Variants in MYOM1 observed in about 807,000 individuals in gnomAD.
The protein encoded by MYOM1 is myomesin-1.
Under a neutral mutation model 205.3 loss-of-function variants are expected in MYOM1, and 164 were observed. The observed-to-expected ratio is 0.80, with a 90% confidence interval of 0.70 to 0.91. MYOM1 has a LOEUF of 0.91. Among genes scored for constraint, MYOM1 ranks in the 40% least tolerant of loss-of-function variants. The probability of loss-of-function intolerance (pLI) is 0.00; values close to 1 mark genes in which losing one functional copy is unlikely to be tolerated. For synonymous variants in MYOM1, 772 were observed against 789.4 expected (o/e 0.98, Z 0.37); for missense variants, 2,011 against 2,127.3 (o/e 0.95, Z 1.08).
chr18:3,169,050 C>T, intron 8 of MYOM1, 69 bp from the exon 9 acceptor site: 1 of 1,368,132 alleles, frequency 7.3e-7, no homozygotes, highest in Non-Finnish European at 9.9e-7. Context: ...TTTTAATAAG[C>T]ACAGGCAGAA....
intron 34 of MYOM1, among the ~76,000 whole-genome samples, chr18:3,077,129 C>T (rs778273047): frequency 6.6e-6 from 1 of 151,940 alleles, no homozygotes; most frequent in Non-Finnish European, 1.5e-5. Flanking sequence ...CCTCTTACCT[C>T]TGCTTCTCGA....
At chr18:3,154,567 G>A (rs1024107929) in intron 11 of MYOM1, among the ~76,000 whole-genome samples, 1 of 151,166 alleles carries the variant, frequency 6.6e-6, no homozygotes, top group African/African-American at 2.4e-5. Flanking sequence ...GGTACTAACT[G>A]CTGTAAAAGC....
chr18:3,158,228 T>C (rs2080329755), intron 10 of MYOM1, among the ~76,000 whole-genome samples: 1 of 152,228 alleles, frequency 6.6e-6, no homozygotes, highest in Non-Finnish European at 1.5e-5. Context: ...ACTATATAGT[T>C]TCATGTAAGC....
chr18:3,083,599 T>C (rs1430776427), intron 33 of MYOM1, among the ~76,000 whole-genome samples, 190 bp downstream of exon 33: 7 of 16,048 alleles, frequency 4.4e-4, no homozygotes, highest in Admixed American at 3.3e-3. Flanking sequence ...CAGCTCATTT[T>C]TTTTTTTTTT....
intron 13 of MYOM1, among the ~76,000 whole-genome samples, chr18:3,144,646 T>C (rs990280322): frequency 1.3e-5 from 2 of 152,192 alleles, no homozygotes; most frequent in Non-Finnish European, 1.5e-5. Flanking sequence ...GGAAATAATA[T>C]ACCATGCTAA....
At chr18:3,230,895 C>T in the MYOM1 span, among the ~76,000 whole-genome samples, 1 of 152,192 alleles carries the variant, frequency 6.6e-6, no homozygotes, top group South Asian at 2.1e-4. Context: ...AACTTGGACA[C>T]CTTCCAACAG....
intron 2 of MYOM1, among the ~76,000 whole-genome samples, chr18:3,197,194 T>C (rs992924117): frequency 6.7e-6 from 1 of 150,362 alleles, no homozygotes; most frequent in African/African-American, 2.4e-5. Context: ...TGGAGTGCAA[T>C]GGCGCGATCT....
At chr18:3,097,424 T>G (rs2079319913) in intron 25 of MYOM1, among the ~76,000 whole-genome samples, 1 of 152,116 alleles carries the variant, frequency 6.6e-6, no homozygotes, top group Non-Finnish European at 1.5e-5. Flanking sequence ...ATTTTGTGAT[T>G]TTTATACTCA....
chr18:3,114,169 C>T (rs1181240775), intron 21 of MYOM1, among the ~76,000 whole-genome samples: 2 of 152,180 alleles, frequency 1.3e-5, no homozygotes, highest in Non-Finnish European at 2.9e-5. Flanking sequence ...CGCCAGGTAC[C>T]TGACACATCT....
the MYOM1 span, among the ~76,000 whole-genome samples, chr18:3,243,442 C>T: frequency 6.6e-6 from 1 of 152,268 alleles, no homozygotes; most frequent in East Asian, 1.9e-4. Context: ...GCTATGCTTC[C>T]TTGCTGTTGT....
chr18:3,127,178 A>C (rs928684692), intron 18 of MYOM1, among the ~76,000 whole-genome samples: 1 of 150,962 alleles, frequency 6.6e-6, no homozygotes, highest in African/African-American at 2.4e-5. Flanking sequence ...ATTTTTCCCA[A>C]GGTATAATTT....
At position 3,191,537 on chromosome 18, in the gene MYOM1, T is replaced by C. The variant is rs913775804; in HGVS notation, c.431+2281A>G. On this transcript the variant is annotated intron_variant, in intron 3 of 37. Transcript: ENST00000356443. ...CAAATAATAATAGACACTCAACAAA[T>C]GTTCATTTCTTTTCCATCCTCTCCT... 3.9e-5 allele frequency among the ~76,000 whole-genome samples: 6 copies of C among 152,216 alleles called. No homozygotes were observed. The East Asian group carries it at 9.6e-4, about 24-fold the overall frequency.
the MYOM1 span, among the ~76,000 whole-genome samples, chr18:3,242,389 T>C: frequency 6.6e-6 from 1 of 152,342 alleles, no homozygotes; most frequent in East Asian, 1.9e-4. Context: ...CATAAGCTCT[T>C]CTCTGCCACC....
Position 3,175,988 on chromosome 18 carries a change from G to A in MYOM1, c.1022+54C>T, listed in dbSNP as rs929998445. The A allele has an allele frequency of 2.2e-5, 25 of 1,131,722 alleles. No homozygotes were observed. The Admixed American group carries it at 2.3e-4, about 10-fold the overall frequency. 70.1% of individuals were successfully genotyped at this position (1,131,722 alleles called of 1,614,324 possible). ...GAGAGTGGCTGTTAACTGCAGGGGTGAGAAGCCTCCCTGAGCAATGGTGAG... is the reference window on the plus strand; with the variant it reads ...GAGAGTGGCTGTTAACTGCAGGGGTAAGAAGCCTCCCTGAGCAATGGTGAG... On this transcript the variant is annotated intron_variant, in intron 6 of 37. Transcript: ENST00000356443.
Position 3,090,807 on chromosome 18 carries a change from A to C in MYOM1, c.3865-5T>G. 1 of 1,613,742 alleles carries C rather than the reference A, an allele frequency of 6.2e-7. No homozygotes were observed. Among genetic ancestry groups the C allele is most frequent in the South Asian group, 1.1e-5 (1 of 91,022 alleles). On this transcript the variant is annotated splice_region_variant and splice_polypyrimidine_tract_variant and intron_variant, in intron 26 of 37. Coordinates refer to ENST00000356443, the MANE Select transcript of MYOM1 (RefSeq NM_003803.4). ...GTCAATATGCATTTTATATTTCTTC[A>C]GTGTGAAAAGAAAATGACAGAGAAA...
At chr18:3,171,142 C>T (rs1598741075) in intron 8 of MYOM1, among the ~76,000 whole-genome samples, 3 of 152,330 alleles carry the variant, frequency 2.0e-5, no homozygotes, top group South Asian at 2.1e-4. Flanking sequence ...AGATTTGCAC[C>T]GGCTGGCCGT....
At chr18:3,233,872 C>T in the MYOM1 span, among the ~76,000 whole-genome samples, 1 of 152,326 alleles carries the variant, frequency 6.6e-6, no homozygotes, top group East Asian at 1.9e-4. Flanking sequence ...AAAAAGTCAA[C>T]ATTTCAAGTA....
intron 20 of MYOM1, 125 bp from the exon 21 acceptor site, chr18:3,116,640 T>C (rs2079610898): frequency 1.1e-6 from 1 of 889,824 alleles, no homozygotes; most frequent in Non-Finnish European, 1.6e-6. Context: ...AATCTAGCTT[T>C]CCCATGAAAA....
At chr18:3,178,275 G>GT (rs1567952406) in intron 5 of MYOM1, among the ~76,000 whole-genome samples, 1 of 152,174 alleles carries the variant, frequency 6.6e-6, no homozygotes, top group African/African-American at 2.4e-5. Flanking sequence ...CACAACCACC[G>GT]TATGAGATAG....
Sources: gnomAD v4.1 joint callset for allele counts (sites outside exome capture counted in the v4.1 genomes callset) on GRCh38, gnomAD v4.1.1 for gene constraint, MANE v1.5 for transcripts, NCBI Gene and HGNC (gene_info 2026-07-23, HGNC 2026-07-21) for gene names.